SRRM3: variants seen among roughly 807,000 people sequenced by gnomAD.
The protein encoded by SRRM3 is serine/arginine repetitive matrix protein 3.
SRRM3 carries 27 observed loss-of-function variants against 66.2 expected under a neutral mutation model. That is an observed-to-expected ratio of 0.41 (90% CI 0.30 to 0.56). The LOEUF is 0.56. SRRM3 is among the 20% of genes least tolerant of loss of function. SRRM3 has a pLI of 0.32. For missense variants in SRRM3, 918 were observed against 991.9 expected (o/e 0.93, Z 1.00); for synonymous variants, 391 against 414.9 (o/e 0.94, Z 0.70).
At chr7:76,245,153 T>C (rs7797781) in intron 2 of SRRM3, among the ~76,000 whole-genome samples, 35,561 of 152,220 alleles carry the variant, frequency 0.23, 4,490 homozygotes, top group East Asian at 0.45. Flanking sequence ...CCATGATTAT[T>C]TCCACAGGGT....
rs58369922 is a variant in SRRM3 at position 76,234,194 on chromosome 7, A to AGTGTGTGTGTGTGTGTGT, written c.-39-821_-39-804dup. Among the ~76,000 whole-genome samples the AGTGTGTGTGTGTGTGTGT allele has an allele frequency of 6.5e-3, 912 of 141,142 alleles. 6 individuals are homozygous for AGTGTGTGTGTGTGTGTGT. The highest frequency in any genetic ancestry group is 0.014 in the African/African-American group (552 of 38,764). The allele number at this position is 141,142 out of a possible 152,430, so 92.6% of individuals were successfully genotyped here. A position where few individuals can be genotyped will look rare whatever the true frequency, so the allele number is the denominator to read the frequency against. On this transcript the variant is annotated intron_variant, in intron 1 of 14. Transcript: ENST00000611745. ...CCTCTGTTAAGATAGAAGTCCTTGG[A>AGTGTGTGTGTGTGTGTGT]GTGTGTGTGTGTGTGTGTGTGTGTG...
intron 11 of SRRM3, among the ~76,000 whole-genome samples, chr7:76,279,625 G>A (rs1387654178): frequency 1.3e-5 from 2 of 151,802 alleles, no homozygotes; most frequent in Admixed American, 1.3e-4. Flanking sequence ...CCCTGGAAGG[G>A]ACACCAGGAA....
chr7:76,269,477 C>G (rs948053206), intron 11 of SRRM3: 16 of 151,532 alleles, frequency 1.1e-4, no homozygotes. Flanking sequence ...CCAGACTTTA[C>G]CATGAACGAA....
At chr7:76,238,040 C>T (rs559966007) in intron 2 of SRRM3, among the ~76,000 whole-genome samples, 3 of 151,964 alleles carry the variant, frequency 2.0e-5, no homozygotes, top group African/African-American at 7.2e-5. Context: ...ATCCTGGAGC[C>T]ACCTCTGAAA....
chr7:76,249,153 A>G (rs1363609271), intron 3 of SRRM3, among the ~76,000 whole-genome samples: 1 of 152,134 alleles, frequency 6.6e-6, no homozygotes, highest in African/African-American at 2.4e-5. Flanking sequence ...TGGGAGGCCA[A>G]GGTGGGAGGA....
intron 2 of SRRM3, among the ~76,000 whole-genome samples, chr7:76,237,553 C>G (rs1801181941): frequency 6.6e-6 from 1 of 152,176 alleles, no homozygotes; most frequent in African/African-American, 2.4e-5. Context: ...TCAGCCTGAG[C>G]AACGGAGGGA....
chr7:76,285,500 G>A lies in SRRM3; in HGVS notation c.1734-115G>A. On this transcript the variant is annotated intron_variant, in intron 14 of 14. Coordinates refer to ENST00000611745, the MANE Select transcript of SRRM3 (RefSeq NM_001110199.3). The surrounding 1 kb of genome is among the most constrained non-coding windows in gnomAD (Gnocchi z 4.1). Reference sequence around the variant, plus strand: ...TGACCGTCAGATTCCATTTGGAGAAGGCAGGTGTCTCTAAGGCCAGGGCTC... The same window carrying A: ...TGACCGTCAGATTCCATTTGGAGAAAGCAGGTGTCTCTAAGGCCAGGGCTC... 1.3e-6 allele frequency: 1 copy of A among 751,030 alleles called. No individual in the cohort carries two copies. The highest frequency in any genetic ancestry group is 2.2e-6 in the Non-Finnish European group (1 of 460,916). The allele number at this position is 751,030 out of a possible 1,614,324, so 46.5% of individuals were successfully genotyped here.
chr7:76,248,277 C>T lies in SRRM3; in HGVS notation c.323C>T (p.Pro108Leu), dbSNP rs1352515920. The change falls in exon 3 of 15, where the codon CCT becomes CTT. Residue 108 changes from proline to leucine, a missense_variant. Transcript: ENST00000611745. ...KEGVLTREDR[P>L]GGHIVAETPR... ...GGAGTGCTCACCAGGGAGGACCGGC[C>T]TGGGGGCCACATGTGAGTGCTTACC... 3 of 1,613,192 alleles carry T rather than the reference C, an allele frequency of 1.9e-6. No homozygotes were observed. The African/African-American group carries it at 4.0e-5, about 22-fold the overall frequency.
intron 11 of SRRM3, chr7:76,269,352 C>T (rs1290369325): frequency 1.3e-5 from 2 of 152,168 alleles, no homozygotes; most frequent in Non-Finnish European, 2.9e-5. Flanking sequence ...CATCCCGGGT[C>T]TCAAACCTGC....
intron 5 of SRRM3, 111 bp downstream of exon 5, chr7:76,260,308 G>A: frequency 1.2e-6 from 1 of 812,086 alleles, no homozygotes; most frequent in East Asian, 3.3e-5. Flanking sequence ...GCCCCTCTCT[G>A]AGCCCCTCCC....
At position 76,285,452 on chromosome 7, in the gene SRRM3, A is replaced by G. The variant is rs1358684010; in HGVS notation, c.1734-163A>G. 1.3e-5 allele frequency among the ~76,000 whole-genome samples: 2 copies of G among 152,186 alleles called. No homozygotes were observed. The highest frequency in any genetic ancestry group is 6.5e-5 in the Admixed American group (1 of 15,276). On this transcript the variant is annotated intron_variant, in intron 14 of 14. Coordinates refer to ENST00000611745, the MANE Select transcript of SRRM3 (RefSeq NM_001110199.3). This position sits in a 1 kb window ranked among gnomAD's most constrained non-coding sequence, Gnocchi z 4.1. ...TAGGTGAAGAAAAGCAAAATGATCA[A>G]CATGGAATTTGCAAGTAACCAATGA...
chr7:76,245,323 C>A lies in SRRM3; in HGVS notation c.234-2865C>A, dbSNP rs138567301. 4.1e-4 allele frequency among the ~76,000 whole-genome samples: 62 copies of A among 152,196 alleles called. No individual in the cohort carries two copies. In the South Asian group the frequency reaches 4.8e-3, roughly 12 times the overall value. On this transcript the variant is annotated intron_variant, in intron 2 of 14. Transcript: ENST00000611745. ...CTCTGAAAGGAAAAAACAAAACATA[C>A]CATTTTCGTGGATGGCTGAGTGGGG...
At chr7:76,220,935 G>A (rs6970288) in intron 1 of SRRM3, among the ~76,000 whole-genome samples, 20,277 of 152,122 alleles carry the variant, frequency 0.13, 2,607 homozygotes, top group African/African-American at 0.32. Flanking sequence ...ACAAACAGCC[G>A]TGCCAGCACC....
intron 11 of SRRM3, among the ~76,000 whole-genome samples, chr7:76,271,189 C>A (rs529030885): frequency 1.3e-5 from 2 of 150,524 alleles, no homozygotes; most frequent in East Asian, 2.0e-4. Flanking sequence ...AGACCCCAGG[C>A]AGGGCGCAGT....
intron 2 of SRRM3, among the ~76,000 whole-genome samples, chr7:76,246,943 A>T (rs370963393): frequency 7.2e-5 from 11 of 152,344 alleles, no homozygotes; most frequent in East Asian, 5.8e-4. Flanking sequence ...TACATCTGTG[A>T]AATGGGAATG....
chr7:76,227,420 C>T (rs2116978254), intron 1 of SRRM3, among the ~76,000 whole-genome samples: 1 of 152,324 alleles, frequency 6.6e-6, no homozygotes, highest in East Asian at 1.9e-4. Flanking sequence ...ACCTGGTCAC[C>T]CAGGCCAGAG....
At chr7:76,238,279 C>T (rs970143657) in intron 2 of SRRM3, among the ~76,000 whole-genome samples, 1 of 152,192 alleles carries the variant, frequency 6.6e-6, no homozygotes, top group African/African-American at 2.4e-5. Context: ...CCAGCCAGTC[C>T]TCACAAAGTG....
chr7:76,252,068 C>A (rs1554606963), intron 3 of SRRM3, among the ~76,000 whole-genome samples: 1 of 151,928 alleles, frequency 6.6e-6, no homozygotes, highest in Non-Finnish European at 1.5e-5. Context: ...AAGGCTCTGT[C>A]TCAAAAAATA....
chr7:76,279,096 T>TA (rs1344271135), intron 11 of SRRM3, among the ~76,000 whole-genome samples: 1 of 152,022 alleles, frequency 6.6e-6, no homozygotes. Context: ...CCGTCTCTCC[T>TA]AAAAATACAA....
Sources: gnomAD v4.1 joint callset for allele counts (sites outside exome capture counted in the v4.1 genomes callset) on GRCh38, gnomAD v4.1.1 for gene constraint, Gnocchi (gnomAD v3.1) non-coding constraint, MANE v1.5 for transcripts, NCBI Gene and HGNC (gene_info 2026-07-23, HGNC 2026-07-21) for gene names.